The following CSMD3 variants were observed in gnomAD, a reference collection of about 807,000 sequenced individuals.
CSMD3 encodes the protein CUB and Sushi multiple domains 3.
Under a neutral mutation model 435.2 loss-of-function variants are expected in CSMD3, and 177 were observed. The observed-to-expected ratio is 0.41, with a 90% CI of 0.36 to 0.46. CSMD3 has a LOEUF of 0.46. Among genes scored for constraint, CSMD3 ranks in the 20% least tolerant of loss-of-function variants. CSMD3 has a pLI of 0.34. For synonymous variants in CSMD3, 1,656 were observed against 1,520.5 expected (o/e 1.09, Z -2.07); for missense variants, 4,265 against 4,504.6 (o/e 0.95, Z 1.52).
chr8:112,512,042 C>T (rs190872511), intron 28 of CSMD3, among the ~76,000 whole-genome samples: 1 of 152,284 alleles, frequency 6.6e-6, no homozygotes, highest in Non-Finnish European at 1.5e-5. Flanking sequence ...GCTACTTCTA[C>T]CACATCTGCA....
chr8:113,392,018 C>CT (rs767615766), intron 1 of CSMD3, among the ~76,000 whole-genome samples: 38 of 151,958 alleles, frequency 2.5e-4, no homozygotes, highest in Admixed American at 5.2e-4. Flanking sequence ...TAATTTGACC[C>CT]TTATAGTAGA....
intron 51 of CSMD3, among the ~76,000 whole-genome samples, chr8:112,305,647 G>A (rs1821349366): frequency 6.6e-6 from 1 of 152,022 alleles, no homozygotes. Flanking sequence ...TATAAAATCA[G>A]AGTGAAATAT....
chr8:113,392,883 T>C (rs934074713), intron 1 of CSMD3, among the ~76,000 whole-genome samples: 4 of 151,802 alleles, frequency 2.6e-5, no homozygotes, highest in Non-Finnish European at 5.9e-5. Flanking sequence ...TTTCATGAAT[T>C]GATGAGGACT....
At chr8:112,800,870 T>A (rs1471953129) in intron 12 of CSMD3, among the ~76,000 whole-genome samples, 1 of 152,028 alleles carries the variant, frequency 6.6e-6, no homozygotes, top group Admixed American at 6.6e-5. Context: ...TCATTACTAA[T>A]CCCTCATTCA....
chr8:112,642,958 A>G (rs2131604276), intron 20 of CSMD3, among the ~76,000 whole-genome samples: 1 of 152,312 alleles, frequency 6.6e-6, no homozygotes, highest in East Asian at 1.9e-4. Flanking sequence ...TAAAGAGATA[A>G]GCTGGAATGC....
intron 2 of CSMD3, among the ~76,000 whole-genome samples, chr8:113,289,263 C>A (rs922514855): frequency 2.0e-5 from 3 of 151,812 alleles, no homozygotes; most frequent in African/African-American, 7.2e-5. Flanking sequence ...AATTCTTTCA[C>A]ACACCACTCA....
In CSMD3 at chr8:112,999,772, A is replaced by AG. The variant is rs567583027; in HGVS notation, c.1030+19294dup. 1.1e-4 allele frequency among the ~76,000 whole-genome samples: 17 copies of AG among 151,880 alleles called. No individual in the cohort carries two copies. The East Asian group carries it at 2.0e-3, about 17-fold the overall frequency. On this transcript the variant is annotated intron_variant, in intron 6 of 70. Transcript: ENST00000297405. ...GAGCAAGGCAGGACTTGCTGATATGAGAAAAAATGAGGAGTCAAGGATGAT... is the reference window on the plus strand; with the variant it reads ...GAGCAAGGCAGGACTTGCTGATATGAGGAAAAAATGAGGAGTCAAGGATGAT...
At chr8:112,492,119 G>A (rs1183417263) in intron 31 of CSMD3, among the ~76,000 whole-genome samples, 1 of 151,954 alleles carries the variant, frequency 6.6e-6, no homozygotes, top group Admixed American at 6.6e-5. Context: ...TTATCTACTT[G>A]TGTTGAAATG....
rs1483232404 is a variant in CSMD3, at chr8:113,436,935, G to A, written c.-81C>T. 52 of 1,468,212 alleles carry A rather than the reference G, an allele frequency of 3.5e-5. No individual in the cohort carries two copies. Among genetic ancestry groups the A allele is most frequent in the Non-Finnish European group, 4.6e-5 (48 of 1,051,842 alleles). 90.9% of individuals were successfully genotyped at this position (1,468,212 alleles called of 1,614,324 possible). A position where few individuals can be genotyped will look rare whatever the true frequency, so the allele number is the denominator to read the frequency against. ...TGTTGTTGGTGCGCGGTCACAGCTCGGAGTGAATGGTGTTTCTGGGATACC... is the reference window on the plus strand; with the variant it reads ...TGTTGTTGGTGCGCGGTCACAGCTCAGAGTGAATGGTGTTTCTGGGATACC... On this transcript the variant is annotated 5_prime_UTR_variant, in exon 1 of 71. Transcript: ENST00000297405.
At chr8:113,345,490 G>A (rs2094145824) in intron 1 of CSMD3, among the ~76,000 whole-genome samples, 1 of 151,978 alleles carries the variant, frequency 6.6e-6, no homozygotes. Context: ...CCAAAAAACT[G>A]AATATACAAA....
chr8:113,115,072 T>G (rs1343555880), intron 4 of CSMD3, among the ~76,000 whole-genome samples: 7 of 152,188 alleles, frequency 4.6e-5, no homozygotes, highest in African/African-American at 7.2e-5. Flanking sequence ...GCAATGGACG[T>G]TTTAACAAGC....
chr8:112,709,777 A>C (rs2076572569), intron 13 of CSMD3, among the ~76,000 whole-genome samples: 1 of 152,068 alleles, frequency 6.6e-6, no homozygotes, highest in Non-Finnish European at 1.5e-5. Context: ...TGTAAGGGCA[A>C]GCACAAAACG....
At chr8:113,101,689 CA>C (rs1361265558) in intron 4 of CSMD3, among the ~76,000 whole-genome samples, 2 of 151,954 alleles carry the variant, frequency 1.3e-5, no homozygotes, top group Non-Finnish European at 2.9e-5. Flanking sequence ...CACTTGAAAA[CA>C]AGGATAGGGA....
Position 112,437,766 on chromosome 8 carries a change from C to T in CSMD3, c.5396-28734G>A, listed in dbSNP as rs142013178. Among the ~76,000 whole-genome samples, 64 of 152,112 alleles carry T rather than the reference C, an allele frequency of 4.2e-4. 1 individual carries two copies. In the East Asian group the frequency reaches 8.3e-3, roughly 20 times the overall value. ...AATGTTAATTCTTACAAAAATGTCA[C>T]AAGTATGGTGAATTCAGTAGCATTA... On this transcript the variant is annotated intron_variant, in intron 32 of 70. Coordinates refer to ENST00000297405, the MANE Select transcript of CSMD3 (RefSeq NM_198123.2).
chr8:113,010,571 G>A lies in CSMD3; in HGVS notation c.1030+8496C>T, dbSNP rs73702275. Among the ~76,000 whole-genome samples the A allele has an allele frequency of 7.8e-3, 1,178 of 151,684 alleles. 18 individuals are homozygous for A. The highest frequency in any genetic ancestry group is 0.027 in the African/African-American group (1,128 of 41,456). ...ATTGACAGATTATCTCCTATTTATTGTAGTTGGTACATTTAAAGATAGTAA... is the reference window on the plus strand; with the variant it reads ...ATTGACAGATTATCTCCTATTTATTATAGTTGGTACATTTAAAGATAGTAA... On this transcript the variant is annotated intron_variant, in intron 6 of 70. Transcript: ENST00000297405.
chr8:112,414,763 G>A (rs1373708742), intron 32 of CSMD3, among the ~76,000 whole-genome samples: 5 of 152,154 alleles, frequency 3.3e-5, no homozygotes, highest in East Asian at 1.9e-4. Context: ...TATGGACAAC[G>A]AAGTCCAGAC....
At chr8:112,401,736 T>G (rs1319517210) in intron 35 of CSMD3, among the ~76,000 whole-genome samples, 1 of 152,092 alleles carries the variant, frequency 6.6e-6, no homozygotes, top group Non-Finnish European at 1.5e-5. Context: ...TTCAATAAAA[T>G]CAACACATTT....
At chr8:112,750,809 A>G (rs1189140236) in intron 13 of CSMD3, among the ~76,000 whole-genome samples, 1 of 152,150 alleles carries the variant, frequency 6.6e-6, no homozygotes, top group Non-Finnish European at 1.5e-5. Context: ...TAGAAGGCCA[A>G]TTAAAGTACA....
chr8:113,293,330 C>G (rs1274183397), intron 2 of CSMD3, among the ~76,000 whole-genome samples: 7 of 151,770 alleles, frequency 4.6e-5, no homozygotes, highest in Admixed American at 4.6e-4. Context: ...AGATTAGAAA[C>G]TGAGAAGTGG....
Sources: gnomAD v4.1 joint callset for allele counts (sites outside exome capture counted in the v4.1 genomes callset) on GRCh38, gnomAD v4.1.1 for gene constraint, MANE v1.5 for transcripts, NCBI Gene and HGNC (gene_info 2026-07-23, HGNC 2026-07-21) for gene names.